MICAL3: variants seen among roughly 807,000 people sequenced by gnomAD.
MICAL3 encodes [F-actin]-monooxygenase MICAL3.
In MICAL3, 62 loss-of-function variants were observed where a neutral mutation model predicts 207.4. The ratio of observed to expected loss-of-function variants is 0.30; its 90% CI spans 0.24 to 0.37. MICAL3 has a LOEUF of 0.37. MICAL3 is among the 10% of genes least tolerant of loss of function. MICAL3 has a pLI of 1.00. For synonymous variants in MICAL3, 1,077 were observed against 1,069.3 expected, an observed-to-expected ratio of 1.01 and a Z score of -0.14; for missense variants, 2,368 against 2,635.6, an observed-to-expected ratio of 0.90 and a Z score of 2.22.
chr22:17,841,719 G>T lies in MICAL3; in HGVS notation c.2801+103C>A. 1.6e-6 allele frequency: 2 copies of T among 1,228,022 alleles called. No individual in the cohort carries two copies. Among genetic ancestry groups the T allele is most frequent in the South Asian group, 1.4e-5 (1 of 72,726 alleles). The allele number at this position is 1,228,022 out of a possible 1,614,324, so 76.1% of individuals were successfully genotyped here. On this transcript the variant is annotated intron_variant, in intron 20 of 31. Coordinates refer to ENST00000441493, the MANE Select transcript of MICAL3 (RefSeq NM_015241.3). The surrounding 1 kb of genome is among the most constrained non-coding windows in gnomAD (Gnocchi z 4.2). ...AGAATGGACTGCGGGCAGCAGGAAA[G>T]ACAGGAGGCCTCCCTTCACTGAGAA... is the stretch of plus-strand genomic sequence containing the variant.
chr22:17,872,686 C>G lies in MICAL3; in HGVS notation c.2242-663G>C, dbSNP rs1408447485. On this transcript the variant is annotated intron_variant, in intron 16 of 31. Coordinates refer to ENST00000441493, the MANE Select transcript of MICAL3 (RefSeq NM_015241.3). ...TGCAAGCTATAAGTGACTCAGCACA[C>G]AGGTGTGTTTCCCATGGCTGTGCTG... The G allele has an allele frequency of 3.0e-6, 3 of 999,988 alleles. No individual in the cohort carries two copies. In the East Asian group the frequency reaches 7.1e-5, roughly 24 times the overall value. The allele number at this position is 999,988 out of a possible 1,614,324, so 61.9% of individuals were successfully genotyped here.
chr22:17,986,943 G>A (rs1004043157), intron 1 of MICAL3, among the ~76,000 whole-genome samples: 1 of 152,012 alleles, frequency 6.6e-6, no homozygotes, highest in African/African-American at 2.4e-5. Flanking sequence ...AATCCATCCT[G>A]GAAGAATCAT....
chr22:17,984,012 CGT>C (rs1396505229), intron 1 of MICAL3, among the ~76,000 whole-genome samples: 3 of 152,160 alleles, frequency 2.0e-5, no homozygotes, highest in Non-Finnish European at 4.4e-5. Context: ...AATAGGAACT[CGT>C]GTACTATTCT....
At chr22:18,012,449 G>T (rs973064936) in intron 1 of MICAL3, among the ~76,000 whole-genome samples, 1 of 152,144 alleles carries the variant, frequency 6.6e-6, no homozygotes, top group African/African-American at 2.4e-5. Flanking sequence ...GTAAGGGAGG[G>T]CCAGACAGTG....
rs1016767871 is a variant in MICAL3 at position 17,796,400 on chromosome 22, C to T, written c.5651-5099G>A. Among the ~76,000 whole-genome samples, 1 of 152,380 alleles carries T rather than the reference C, an allele frequency of 6.6e-6. No homozygotes were observed. The highest frequency in any genetic ancestry group is 1.9e-4 in the East Asian group (1 of 5,192). Reference sequence around the variant, plus strand: ...GCGCATGAGATGGGCACGGATGGCACTCTCCGGCTTCAGGGCGCCCTCGCA... The same window carrying T: ...GCGCATGAGATGGGCACGGATGGCATTCTCCGGCTTCAGGGCGCCCTCGCA... On this transcript the variant is annotated intron_variant, in intron 29 of 31. Coordinates refer to ENST00000441493, the MANE Select transcript of MICAL3 (RefSeq NM_015241.3). This position sits in a 1 kb window ranked among gnomAD's most constrained non-coding sequence, Gnocchi z 4.4.
intron 19 of MICAL3, among the ~76,000 whole-genome samples, chr22:17,843,852 A>AT (rs71684833): frequency 0.054 from 8,000 of 148,766 alleles, 533 homozygotes; most frequent in African/African-American, 0.16. Flanking sequence ...GTTACCAGAC[A>AT]TTTTTTTTTT....
At chr22:17,877,504 T>TGGAGGTTAG (rs1411694864) in intron 16 of MICAL3, among the ~76,000 whole-genome samples, 1 of 63,584 alleles carries the variant, frequency 1.6e-5, no homozygotes, top group Admixed American at 1.4e-4. Context: ...AGGGAGGTTA[T>TGGAGGTTAG]GGAGGTTAGG....
chr22:17,863,058 A>G (rs1926687216), intron 19 of MICAL3: 1 of 985,290 alleles, frequency 1.0e-6, no homozygotes, highest in Non-Finnish European at 1.2e-6. Flanking sequence ...TCTCCCCACT[A>G]TGTAGAACAT....
chr22:18,018,197 AAC>A (rs1366907824), intron 1 of MICAL3, among the ~76,000 whole-genome samples: 2 of 152,192 alleles, frequency 1.3e-5, no homozygotes. Context: ...AATTTAAATG[AAC>A]ACAGTTTTCC....
At chr22:17,912,202 C>T (rs2083881) in intron 1 of MICAL3, among the ~76,000 whole-genome samples, 41,093 of 151,936 alleles carry the variant, frequency 0.27, 8,852 homozygotes, top group African/African-American at 0.6. Flanking sequence ...TATATGTCTG[C>T]CTTTATGTCA....
chr22:17,982,724 CAT>C (rs1935976266), intron 1 of MICAL3, among the ~76,000 whole-genome samples: 1 of 145,128 alleles, frequency 6.9e-6, no homozygotes, highest in Non-Finnish European at 1.5e-5. Context: ...ACAAACATAA[CAT>C]AACATAAAAA....
At chr22:17,875,680 A>T in intron 16 of MICAL3, 2 of 249,640 alleles carry the variant, frequency 8.0e-6, no homozygotes, top group East Asian at 1.0e-4. Flanking sequence ...TACCATGTAT[A>T]GTAAAAAAAA....
At chr22:18,017,935 A>G (rs549839755) in intron 1 of MICAL3, among the ~76,000 whole-genome samples, 27 of 151,774 alleles carry the variant, frequency 1.8e-4, no homozygotes, top group African/African-American at 5.8e-4. Flanking sequence ...TATTTTTAGT[A>G]GAGATGAGGT....
At chr22:18,011,606 C>T (rs535239374) in intron 1 of MICAL3, among the ~76,000 whole-genome samples, 8 of 151,144 alleles carry the variant, frequency 5.3e-5, no homozygotes, top group African/African-American at 1.9e-4. Context: ...CGCGGTGGCT[C>T]ACACCTGTAA....
intron 1 of MICAL3, among the ~76,000 whole-genome samples, chr22:17,917,793 A>G (rs1932627360): frequency 6.6e-6 from 1 of 152,082 alleles, no homozygotes; most frequent in African/African-American, 2.4e-5. Flanking sequence ...TATCAGAGAG[A>G]GCTCTGCTGA....
At chr22:17,957,826 T>C (rs921697220) in intron 1 of MICAL3, among the ~76,000 whole-genome samples, 15 of 148,534 alleles carry the variant, frequency 1.0e-4, no homozygotes, top group Non-Finnish European at 1.8e-4. Context: ...GAAGATGAAA[T>C]GGTACAGTCA....
At chr22:17,865,140 C>G (rs1440668418) in intron 18 of MICAL3, among the ~76,000 whole-genome samples, 154 bp from the exon 19 acceptor site, 1 of 146,266 alleles carries the variant, frequency 6.8e-6, no homozygotes, top group East Asian at 1.9e-4. Flanking sequence ...AGAGACAGGG[C>G]CTTGCTGGCA....
chr22:17,878,450 A>G (rs910575906), intron 16 of MICAL3, among the ~76,000 whole-genome samples: 2 of 151,426 alleles, frequency 1.3e-5, no homozygotes, highest in South Asian at 4.2e-4. Context: ...CAGCACACAC[A>G]TTGCCCGCTG....
intron 1 of MICAL3, among the ~76,000 whole-genome samples, chr22:17,996,263 C>G (rs1922262111): frequency 6.6e-6 from 1 of 151,312 alleles, no homozygotes; most frequent in Non-Finnish European, 1.5e-5. Flanking sequence ...CACGGTGAAA[C>G]CTTGTCTCTA....
Sources: gnomAD v4.1 joint callset for allele counts (sites outside exome capture counted in the v4.1 genomes callset) on GRCh38, gnomAD v4.1.1 for gene constraint, Gnocchi (gnomAD v3.1) non-coding constraint, MANE v1.5 for transcripts, NCBI Gene and HGNC (gene_info 2026-07-23, HGNC 2026-07-21) for gene names.